Variants in EPS15 observed in about 807,000 individuals in gnomAD.
EPS15 encodes the protein epidermal growth factor receptor substrate 15.
Under a neutral mutation model 113.8 loss-of-function variants are expected in EPS15, and 72 were observed. The ratio of observed to expected loss-of-function variants is 0.63; its 90% CI spans 0.52 to 0.77. The LOEUF is 0.77. EPS15 is among the 30% of genes least tolerant of loss of function. The pLI, the probability that EPS15 is intolerant of heterozygous loss-of-function variation, is 0.00. For synonymous variants in EPS15, 344 were observed against 363.4 expected, an observed-to-expected ratio of 0.95 and a Z score of 0.61; for missense variants, 1,048 against 1,045.8, an observed-to-expected ratio of 1.00 and a Z score of -0.03.
intron 2 of EPS15, among the ~76,000 whole-genome samples, chr1:51,478,339 C>G (rs1643953866): frequency 6.6e-6 from 1 of 152,252 alleles, no homozygotes; most frequent in African/African-American, 2.4e-5. Flanking sequence ...TATTTTGAGC[C>G]TATGTGTGTC....
At chr1:51,470,572 C>T (rs750508057) in intron 4 of EPS15, among the ~76,000 whole-genome samples, 10 of 149,960 alleles carry the variant, frequency 6.7e-5, no homozygotes, top group South Asian at 2.1e-4. Flanking sequence ...GCTTGAATCC[C>T]GGAGGCAGAG....
At chr1:51,397,542 T>A (rs987707162) in intron 20 of EPS15, among the ~76,000 whole-genome samples, 5 of 152,166 alleles carry the variant, frequency 3.3e-5, no homozygotes, top group Non-Finnish European at 7.3e-5. Context: ...AGAATTCCAG[T>A]AGCAGCAATT....
chr1:51,365,008 T>C (rs564863077), intron 22 of EPS15, among the ~76,000 whole-genome samples: 1 of 150,572 alleles, frequency 6.6e-6, no homozygotes, highest in African/African-American at 2.4e-5. Context: ...TTTTTGTGTT[T>C]TTTGGTCAAG....
intron 21 of EPS15, among the ~76,000 whole-genome samples, chr1:51,375,513 G>T (rs893574315): frequency 5.9e-5 from 9 of 152,184 alleles, no homozygotes; most frequent in African/African-American, 2.2e-4. Context: ...CCAGTAAGGT[G>T]GGTAAATGTC....
intron 12 of EPS15, among the ~76,000 whole-genome samples, chr1:51,427,061 G>A (rs981954892): frequency 2.0e-5 from 3 of 151,642 alleles, no homozygotes; most frequent in African/African-American, 4.9e-5. Context: ...TTAAGCCTCC[G>A]TTTTCTTCTC....
intron 12 of EPS15, among the ~76,000 whole-genome samples, chr1:51,436,053 T>C (rs924208713): frequency 1.3e-5 from 2 of 152,234 alleles, no homozygotes; most frequent in African/African-American, 4.8e-5. Flanking sequence ...AAAGCTGAAA[T>C]AGTAGATTCG....
At chr1:51,454,934 GAAA>G (rs1016339300) in intron 8 of EPS15, among the ~76,000 whole-genome samples, 1 of 130,444 alleles carries the variant, frequency 7.7e-6, no homozygotes, top group African/African-American at 2.7e-5. Flanking sequence ...AGTTCATTAG[GAAA>G]AAAAAAAAAA....
At chr1:51,358,399 T>A (rs1557762702) in intron 24 of EPS15, among the ~76,000 whole-genome samples, 1 of 152,248 alleles carries the variant, frequency 6.6e-6, no homozygotes, top group Non-Finnish European at 1.5e-5. Context: ...GGAAATATTT[T>A]TATCTACCCC....
chr1:51,515,484 A>C (rs552263466), intron 1 of EPS15, among the ~76,000 whole-genome samples: 24 of 151,860 alleles, frequency 1.6e-4, no homozygotes, highest in Admixed American at 1.2e-3. Context: ...AACAAAACAA[A>C]AAAAAAAAAA....
At chr1:51,458,387 C>A (rs1159694882) in intron 8 of EPS15, 1 of 192,046 alleles carries the variant, frequency 5.2e-6, no homozygotes, top group Non-Finnish European at 1.1e-5. Flanking sequence ...TTTACCTTAG[C>A]ATGCACTACT....
At chr1:51,516,502 TA>T in intron 1 of EPS15, among the ~76,000 whole-genome samples, 1 of 152,334 alleles carries the variant, frequency 6.6e-6, no homozygotes, top group African/African-American at 2.4e-5. Flanking sequence ...TTTGGTACTC[TA>T]GCATTCTATC....
chr1:51,473,059 A>G lies in EPS15; in HGVS notation c.76-111T>C. ...GGGACCTGGCTTTTGCAAGAAAGGA[A>G]TGAGAATCCTTTGACTACCATGGGC... On this transcript the variant is annotated intron_variant, in intron 2 of 24. Coordinates refer to ENST00000371733, the MANE Select transcript of EPS15 (RefSeq NM_001981.3). 3 of 788,504 alleles carry G rather than the reference A, an allele frequency of 3.8e-6. No individual in the cohort carries two copies. The South Asian group carries it at 4.5e-5, about 12-fold the overall frequency. The allele number at this position is 788,504 out of a possible 1,614,324, so 48.8% of individuals were successfully genotyped here.
At chr1:51,455,251 A>G (rs1653900811) in intron 8 of EPS15, among the ~76,000 whole-genome samples, 1 of 152,234 alleles carries the variant, frequency 6.6e-6, no homozygotes, top group African/African-American at 2.4e-5. Context: ...GTTCACTGGC[A>G]GTAGCATAAT....
rs182806771 is a variant in EPS15 at position 51,396,124 on chromosome 1, G to A, written c.2053-1677C>T. 1.1e-3 allele frequency among the ~76,000 whole-genome samples: 167 copies of A among 152,220 alleles called. 1 individual carries two copies. The highest frequency in any genetic ancestry group is 4.0e-3 in the African/African-American group (165 of 41,562). ...AAAAGTAATGATAGTATTAACTGAG[G>A]CCAATTATACTATTATACAACTAGC... On this transcript the variant is annotated intron_variant, in intron 20 of 24. Coordinates refer to ENST00000371733, the MANE Select transcript of EPS15 (RefSeq NM_001981.3).
In EPS15 at chr1:51,444,810, T is replaced by A. The variant is rs1308550073; in HGVS notation, c.954+79A>T. On this transcript the variant is annotated intron_variant, in intron 11 of 24. Coordinates refer to ENST00000371733, the MANE Select transcript of EPS15 (RefSeq NM_001981.3). The stretch of plus-strand genomic sequence containing the variant: ...CAGATACATTTTCTCTTCTATTTCA[T>A]CCAAATTGAATCTGTAATTCGACAT... 3.0e-6 allele frequency: 4 copies of A among 1,346,856 alleles called. No homozygotes were observed. In the East Asian group the frequency reaches 9.2e-5, roughly 31 times the overall value. The allele number at this position is 1,346,856 out of a possible 1,614,324, so 83.4% of individuals were successfully genotyped here. A position where few individuals can be genotyped will look rare whatever the true frequency, so the allele number is the denominator to read the frequency against.
Position 51,484,444 on chromosome 1 carries a change from T to A in EPS15, c.34-3130A>T, listed in dbSNP as rs72892024. ...AAAAATTAAATTAAATTTTAAATTT[T>A]AAAAAAACTATTATCAATCATTATA... is the stretch of plus-strand genomic sequence containing the variant. On this transcript the variant is annotated intron_variant, in intron 1 of 24. Transcript: ENST00000371733. 7.3e-3 allele frequency among the ~76,000 whole-genome samples: 1,116 copies of A among 152,094 alleles called. 13 individuals carry two copies. The highest frequency in any genetic ancestry group is 0.026 in the African/African-American group (1,072 of 41,524).
At chr1:51,467,275 T>C (rs1654911121) in intron 5 of EPS15, among the ~76,000 whole-genome samples, 1 of 152,194 alleles carries the variant, frequency 6.6e-6, no homozygotes, top group Admixed American at 6.5e-5. Context: ...ACAAAATACA[T>C]AGAAATTACA....
At chr1:51,402,169 C>CACATACATACATACAT (rs537916848) in intron 18 of EPS15, among the ~76,000 whole-genome samples, 3,321 of 150,600 alleles carry the variant, frequency 0.022, 39 homozygotes, top group Middle Eastern at 0.035. Context: ...AATAAATACA[C>CACATACATACATACAT]ACATACATAC....
chr1:51,377,175 A>G (rs1368539157), intron 21 of EPS15, among the ~76,000 whole-genome samples: 1 of 152,184 alleles, frequency 6.6e-6, no homozygotes, highest in Admixed American at 6.5e-5. Context: ...GAGGCAGGAA[A>G]ATCATTTGAA....
Sources: gnomAD v4.1 joint callset for allele counts (sites outside exome capture counted in the v4.1 genomes callset) on GRCh38, gnomAD v4.1.1 for gene constraint, MANE v1.5 for transcripts, NCBI Gene and HGNC (gene_info 2026-07-23, HGNC 2026-07-21) for gene names.